Variants in ABCB1 observed in about 807,000 individuals in gnomAD.
ABCB1 encodes ATP-dependent translocase ABCB1.
A neutral mutation model predicts 142.0 loss-of-function variants in ABCB1; 69 were observed. That is an observed-to-expected ratio of 0.49 (90% CI 0.40 to 0.59). The LOEUF is 0.59. Among genes scored for constraint, ABCB1 ranks in the 20% least tolerant of loss-of-function variants. The pLI is 0.00. For missense variants in ABCB1, 1,326 were observed against 1,554.7 expected, an observed-to-expected ratio of 0.85 and a Z score of 2.47; for synonymous variants, 532 against 539.2, an observed-to-expected ratio of 0.99 and a Z score of 0.18.
intron 18 of ABCB1, 60 bp from the exon 19 acceptor site, chr7:87,539,405 A>AATTG: frequency 6.6e-7 from 1 of 1,508,700 alleles, no homozygotes; most frequent in Non-Finnish European, 9.2e-7. Context: ...AAGGAGGGAG[A>AATTG]ATTGATGTCT....
chr7:87,591,734 C>T (rs754614076), intron 3 of ABCB1, among the ~76,000 whole-genome samples: 7 of 151,292 alleles, frequency 4.6e-5, no homozygotes, highest in Non-Finnish European at 8.8e-5. Context: ...AGGATACCAC[C>T]GAAAATAGAT....
intron 1 of ABCB1, among the ~76,000 whole-genome samples, chr7:87,643,256 T>C (rs1318575862): frequency 6.6e-6 from 1 of 152,172 alleles, no homozygotes; most frequent in Non-Finnish European, 1.5e-5. Flanking sequence ...CGTAAAATTT[T>C]TTGAGATAAT....
chr7:87,644,728 AT>A (rs1000210725), intron 1 of ABCB1, among the ~76,000 whole-genome samples: 63 of 151,848 alleles, frequency 4.1e-4, no homozygotes, highest in African/African-American at 1.3e-3. Flanking sequence ...TAGGAATATA[AT>A]TTTTTTTACT....
chr7:87,519,162 G>C (rs1815376489), intron 23 of ABCB1, among the ~76,000 whole-genome samples, 164 bp downstream of exon 23: 1 of 152,212 alleles, frequency 6.6e-6, no homozygotes. Flanking sequence ...ATGAAAGGGG[G>C]TGCTTCAATG....
chr7:87,512,436 G>C (rs1443629661), intron 25 of ABCB1, among the ~76,000 whole-genome samples: 1 of 152,082 alleles, frequency 6.6e-6, no homozygotes, highest in Non-Finnish European at 1.5e-5. Flanking sequence ...AATCCAGGCC[G>C]GCTGTGTTTT....
At chr7:87,530,596 A>G (rs759392154) in intron 21 of ABCB1, among the ~76,000 whole-genome samples, 14 of 152,160 alleles carry the variant, frequency 9.2e-5, no homozygotes, top group Non-Finnish European at 2.1e-4. Flanking sequence ...AAAGAAGTAA[A>G]AAAAGGGTAA....
chr7:87,518,952 C>T, intron 23 of ABCB1: 1 of 237,132 alleles, frequency 4.2e-6, no homozygotes, highest in Admixed American at 5.1e-5. Flanking sequence ...GAACTTAGTA[C>T]AACACATCTG....
rs201184403 is a variant in ABCB1, at chr7:87,515,299, T to G, written c.3214A>C (p.Ser1072Arg). The change falls in exon 25 of 28, where the codon AGT becomes CGT. Residue 1072 changes from serine to arginine, a missense_variant. Transcript: ENST00000622132. ...KGQTLALVGSSGCGKSTVVQL... is the reference protein window; with the variant it reads ...KGQTLALVGSRGCGKSTVVQL... The stretch of plus-strand genomic sequence containing the variant: ...ACCACTGTGCTCTTCCCACAGCCAC[T>G]GCTGCCCACCAGAGCCAGCGTCTGG... 6.2e-7 allele frequency: 1 copy of G among 1,614,212 alleles called. No homozygotes were observed. Among genetic ancestry groups the G allele is most frequent in the Non-Finnish European group, 8.5e-7 (1 of 1,180,028 alleles).
intron 1 of ABCB1, among the ~76,000 whole-genome samples, chr7:87,641,872 G>A (rs1359546367): frequency 6.6e-6 from 1 of 152,000 alleles, no homozygotes. Flanking sequence ...ATTAGATTTT[G>A]TGATTTTTAA....
chr7:87,700,378 AT>A, intron 1 of ABCB1: 1 of 1,501,916 alleles, frequency 6.7e-7, no homozygotes. Flanking sequence ...GTCTAGTTTT[AT>A]TTTACTTTTT....
chr7:87,505,322 T>C (rs138859994), intron 27 of ABCB1, among the ~76,000 whole-genome samples: 1 of 152,264 alleles, frequency 6.6e-6, no homozygotes, highest in African/African-American at 2.4e-5. Context: ...CACTGACTCA[T>C]TTAAAAACAT....
intron 1 of ABCB1, among the ~76,000 whole-genome samples, chr7:87,668,669 T>C (rs754591880): frequency 2.6e-5 from 4 of 152,158 alleles, no homozygotes; most frequent in Non-Finnish European, 5.9e-5. Context: ...GATTCTGGTA[T>C]GTTGTATTTT....
At chr7:87,609,000 G>A (rs1243457933) in intron 1 of ABCB1, among the ~76,000 whole-genome samples, 3 of 152,086 alleles carry the variant, frequency 2.0e-5, no homozygotes, top group Admixed American at 1.3e-4. Context: ...TAAGTGCTTC[G>A]TATATATCCA....
chr7:87,516,850 C>T (rs1224990546), intron 23 of ABCB1, among the ~76,000 whole-genome samples, 185 bp from the exon 24 acceptor site: 9 of 151,004 alleles, frequency 6.0e-5, no homozygotes, highest in Non-Finnish European at 1.0e-4. Context: ...GATCTTCCCA[C>T]CTCAGCCTCT....
At chr7:87,700,325 A>C in intron 1 of ABCB1, 1 of 1,082,302 alleles carries the variant, frequency 9.2e-7, no homozygotes, top group Non-Finnish European at 1.3e-6. Flanking sequence ...AGTTCACTAT[A>C]TTACCTTTAT....
At chr7:87,667,494 C>T (rs1018939271) in intron 1 of ABCB1, among the ~76,000 whole-genome samples, 1 of 151,776 alleles carries the variant, frequency 6.6e-6, no homozygotes, top group African/African-American at 2.4e-5. Flanking sequence ...CTTTCTCTTG[C>T]CTGATAGCTC....
At chr7:87,694,153 T>A in intron 1 of ABCB1, 1 of 481,536 alleles carries the variant, frequency 2.1e-6, no homozygotes, top group South Asian at 8.9e-5. Flanking sequence ...ATTTTAAAAT[T>A]AAAATCTTGT....
At chr7:87,670,891 A>C (rs531946332) in intron 1 of ABCB1, among the ~76,000 whole-genome samples, 2 of 152,042 alleles carry the variant, frequency 1.3e-5, no homozygotes, top group Non-Finnish European at 2.9e-5. Flanking sequence ...TGAAAGTGTG[A>C]GTTTCTCTCC....
chr7:87,614,109 TA>T (rs1819951420), intron 1 of ABCB1, among the ~76,000 whole-genome samples: 2 of 152,122 alleles, frequency 1.3e-5, no homozygotes, highest in Admixed American at 6.6e-5. Context: ...AAAATAATTA[TA>T]ATATGATGAG....
Sources: gnomAD v4.1 joint callset for allele counts (sites outside exome capture counted in the v4.1 genomes callset) on GRCh38, gnomAD v4.1.1 for gene constraint, MANE v1.5 for transcripts, NCBI Gene and HGNC (gene_info 2026-07-23, HGNC 2026-07-21) for gene names.